CTNNA2: variants seen among roughly 807,000 people sequenced by gnomAD.
CTNNA2 encodes the protein catenin alpha 2.
CTNNA2 carries 42 observed loss-of-function variants against 101.0 expected under a neutral mutation model. That is an observed-to-expected ratio of 0.42 (90% CI 0.32 to 0.54). The LOEUF is 0.54. CTNNA2 is among the 20% of genes least tolerant of loss of function. The probability of loss-of-function intolerance (pLI) is 0.14; values close to 1 mark genes in which losing one functional copy is unlikely to be tolerated. For missense variants in CTNNA2, 871 were observed against 1,223.1 expected (o/e 0.71, Z 4.29); for synonymous variants, 450 against 456.4 (o/e 0.99, Z 0.18).
At chr2:79,857,499 T>G (rs1681232069) in intron 3 of CTNNA2, among the ~76,000 whole-genome samples, 1 of 152,226 alleles carries the variant, frequency 6.6e-6, no homozygotes, top group Non-Finnish European at 1.5e-5. Flanking sequence ...AATTGGTTAC[T>G]AAGAGGATTA....
intron 3 of CTNNA2, among the ~76,000 whole-genome samples, chr2:79,348,600 T>G (rs1316100958): frequency 5.9e-5 from 9 of 152,204 alleles, no homozygotes; most frequent in Admixed American, 5.9e-4. Context: ...TGAGCTAAAA[T>G]TTGTGGTTAT....
intron 2 of CTNNA2, among the ~76,000 whole-genome samples, chr2:79,268,633 G>A (rs768798174): frequency 3.9e-5 from 6 of 152,166 alleles, no homozygotes; most frequent in Non-Finnish European, 8.8e-5. Context: ...GAGGAACAGA[G>A]GCCTCAACCT....
chr2:80,332,369 A>G (rs1671414604), intron 7 of CTNNA2, among the ~76,000 whole-genome samples: 1 of 152,122 alleles, frequency 6.6e-6, no homozygotes, highest in Admixed American at 6.5e-5. Context: ...GTTAATTGTT[A>G]ATAGATTTTC....
chr2:79,422,599 A>G (rs1173181958), intron 4 of CTNNA2, among the ~76,000 whole-genome samples: 1 of 152,232 alleles, frequency 6.6e-6, no homozygotes, highest in Non-Finnish European at 1.5e-5. Context: ...TAAAGGCTCA[A>G]ATAAAAACAA....
chr2:80,095,402 T>G (rs552740997), intron 7 of CTNNA2, among the ~76,000 whole-genome samples: 7 of 152,362 alleles, frequency 4.6e-5, no homozygotes, highest in South Asian at 2.1e-4. Flanking sequence ...GGATTCAGTT[T>G]GCCAGTATTT....
chr2:80,629,174 G>C (rs531659980), intron 18 of CTNNA2, among the ~76,000 whole-genome samples: 1 of 151,962 alleles, frequency 6.6e-6, no homozygotes, highest in South Asian at 2.1e-4. Flanking sequence ...GATAATATTG[G>C]TGCCCTCCGG....
In CTNNA2 at chr2:79,231,897, T is replaced by C. The variant is rs576149771; in HGVS notation, c.-406+33821T>C. ...TGTATAGAAATTCTACTGCTTTCTA[T>C]AGCTGATCTTGTATCCTAAAACTTT... is the stretch of plus-strand genomic sequence containing the variant. On this transcript the variant is annotated intron_variant, in intron 2 of 21. Transcript: ENST00000466387. Among the ~76,000 whole-genome samples, 4 of 152,328 alleles carry C rather than the reference T, an allele frequency of 2.6e-5. No individual in the cohort carries two copies. The South Asian group carries it at 8.3e-4, about 32-fold the overall frequency.
chr2:79,577,582 C>T (rs1675876474), intron 1 of CTNNA2, among the ~76,000 whole-genome samples: 1 of 151,814 alleles, frequency 6.6e-6, no homozygotes, highest in Non-Finnish European at 1.5e-5. Flanking sequence ...GGAGAATTAC[C>T]CCTATCCATT....
chr2:80,631,746 A>C (rs1672318690), intron 18 of CTNNA2, among the ~76,000 whole-genome samples: 1 of 152,136 alleles, frequency 6.6e-6, no homozygotes, highest in Non-Finnish European at 1.5e-5. Context: ...TGGTATATTG[A>C]TAAATGCACT....
chr2:80,003,638 A>G (rs1261085863), intron 7 of CTNNA2, among the ~76,000 whole-genome samples: 1 of 152,170 alleles, frequency 6.6e-6, no homozygotes, highest in Non-Finnish European at 1.5e-5. Context: ...CCATATGTTA[A>G]TTGCACATTT....
At chr2:80,149,495 CAG>C (rs574924164) in intron 7 of CTNNA2, among the ~76,000 whole-genome samples, 365 of 152,274 alleles carry the variant, frequency 2.4e-3, no homozygotes, top group African/African-American at 7.9e-3. Flanking sequence ...CTGTTCACTA[CAG>C]CCAATTACAG....
intron 7 of CTNNA2, among the ~76,000 whole-genome samples, chr2:79,959,475 C>T (rs72920841): frequency 1.2e-3 from 190 of 152,318 alleles, no homozygotes; most frequent in African/African-American, 4.4e-3. Flanking sequence ...ACTTTTACAT[C>T]TCCTTTTTCA....
intron 7 of CTNNA2, among the ~76,000 whole-genome samples, chr2:80,039,403 C>A (rs988412419): frequency 2.0e-5 from 3 of 152,168 alleles, no homozygotes; most frequent in Non-Finnish European, 4.4e-5. Flanking sequence ...CAGTTACTAC[C>A]ATTTTCTTTT....
At chr2:80,596,255 G>GGTTGT (rs1696942732) in intron 15 of CTNNA2, among the ~76,000 whole-genome samples, 1 of 98,996 alleles carries the variant, frequency 1.0e-5, no homozygotes, top group African/African-American at 3.7e-5. Flanking sequence ...GACTTAAGGA[G>GGTTGT]TTTTTTTGGG....
At chr2:80,153,680 G>A (rs1019662962) in intron 7 of CTNNA2, among the ~76,000 whole-genome samples, 1 of 152,180 alleles carries the variant, frequency 6.6e-6, no homozygotes, top group African/African-American at 2.4e-5. Context: ...AGCAGATGAT[G>A]TTGGGAGCAT....
At chr2:79,291,488 C>T (rs763702227) in intron 2 of CTNNA2, among the ~76,000 whole-genome samples, 8 of 152,046 alleles carry the variant, frequency 5.3e-5, no homozygotes, top group Non-Finnish European at 1.2e-4. Flanking sequence ...GTATTTGGAC[C>T]CCAAATTGCC....
intron 2 of CTNNA2, among the ~76,000 whole-genome samples, chr2:79,228,617 T>C (rs1270661609): frequency 1.3e-5 from 2 of 152,206 alleles, no homozygotes; most frequent in Admixed American, 6.5e-5. Context: ...TTTTGCTTCG[T>C]GATTTAAGTT....
intron 9 of CTNNA2, among the ~76,000 whole-genome samples, chr2:80,496,414 T>TA (rs1491486693): frequency 3.1e-5 from 4 of 127,228 alleles, no homozygotes; most frequent in African/African-American, 9.3e-5. Flanking sequence ...TTTTTTTTTT[T>TA]ATCTTAGAAC....
chr2:79,918,983 G>C (rs150823002), intron 7 of CTNNA2, among the ~76,000 whole-genome samples: 1 of 152,306 alleles, frequency 6.6e-6, no homozygotes, highest in Non-Finnish European at 1.5e-5. Flanking sequence ...GGAGCAGGAG[G>C]CTGTCAGCAC....
Sources: gnomAD v4.1 joint callset for allele counts (sites outside exome capture counted in the v4.1 genomes callset) on GRCh38, gnomAD v4.1.1 for gene constraint, MANE v1.5 for transcripts, NCBI Gene and HGNC (gene_info 2026-07-23, HGNC 2026-07-21) for gene names.